The following ECE1 variants were observed in gnomAD, a reference collection of about 807,000 sequenced individuals.
ECE1 encodes endothelin-converting enzyme 1.
In ECE1, 35 loss-of-function variants were observed where a neutral mutation model predicts 98.6. The ratio of observed to expected loss-of-function variants is 0.35; its 90% CI spans 0.27 to 0.47. The LOEUF (loss-of-function observed/expected upper bound fraction) is 0.47. Ranked by LOEUF, ECE1 falls within the 20% of genes least tolerant of loss-of-function variation. The probability of loss-of-function intolerance (pLI) is 1.00; values close to 1 mark genes in which losing one functional copy is unlikely to be tolerated. For synonymous variants in ECE1, 394 were observed against 407.1 expected (o/e 0.97, Z 0.39); for missense variants, 814 against 1,025.3 (o/e 0.79, Z 2.81).
chr1:21,298,575 G>A (rs2103374509), intron 1 of ECE1: 2 of 366,924 alleles, frequency 5.5e-6, no homozygotes, highest in African/African-American at 4.2e-5. Flanking sequence ...TAGCAGAGAA[G>A]CAGCACATGG....
At chr1:21,238,308 C>T in intron 10 of ECE1, 64 bp from the exon 11 acceptor site, 1 of 1,317,780 alleles carries the variant, frequency 7.6e-7, no homozygotes, top group Admixed American at 1.9e-5. Context: ...CCCTTTCTTG[C>T]TGGGAGGTAG....
intron 2 of ECE1, among the ~76,000 whole-genome samples, chr1:21,283,241 G>A (rs1047589608): frequency 2.6e-5 from 4 of 151,242 alleles, no homozygotes; most frequent in Non-Finnish European, 4.4e-5. Context: ...CACAGCGCCC[G>A]GCCCATAACA....
At chr1:21,296,761 T>C (rs915768707) in intron 1 of ECE1, among the ~76,000 whole-genome samples, 2 of 152,182 alleles carry the variant, frequency 1.3e-5, no homozygotes, top group African/African-American at 4.8e-5. Context: ...CACCTCCTTT[T>C]TTTGTGCCTC....
At chr1:21,270,105 T>G (rs906238464) in intron 4 of ECE1, among the ~76,000 whole-genome samples, 21 of 152,360 alleles carry the variant, frequency 1.4e-4, no homozygotes, top group African/African-American at 5.0e-4. Context: ...CTAGAGGGCC[T>G]GTCCACTGTC....
At chr1:21,335,478 C>T (rs774880368) in intron 1 of ECE1, among the ~76,000 whole-genome samples, 3 of 152,144 alleles carry the variant, frequency 2.0e-5, no homozygotes, top group African/African-American at 2.4e-5. Flanking sequence ...AAGATGAGGA[C>T]GCTGCAGCCC....
Position 21,233,522 on chromosome 1 carries a change from G to A in ECE1, c.1670+36C>T, listed in dbSNP as rs533863338. ...CCCAAGGCTTGCCCACAGGTGGGGAGCTGGCACCTTGCCGGCAGGGCCTGG... is the reference window on the plus strand; with the variant it reads ...CCCAAGGCTTGCCCACAGGTGGGGAACTGGCACCTTGCCGGCAGGGCCTGG... On this transcript the variant is annotated intron_variant, in intron 14 of 18. Transcript: ENST00000374893. This position sits in a 1 kb window ranked among gnomAD's most constrained non-coding sequence, Gnocchi z 4.0. 1.9e-6 allele frequency: 3 copies of A among 1,597,760 alleles called. No homozygotes were observed. The highest frequency in any genetic ancestry group is 2.6e-6 in the Non-Finnish European group (3 of 1,166,872).
chr1:21,271,995 AACTC>A (rs1350292473), intron 4 of ECE1, among the ~76,000 whole-genome samples: 4 of 151,798 alleles, frequency 2.6e-5, no homozygotes, highest in Non-Finnish European at 5.9e-5. Context: ...TAACTTTCAA[AACTC>A]ACAGTCAATA....
At chr1:21,309,870 C>A (rs562094786) in intron 1 of ECE1, among the ~76,000 whole-genome samples, 2 of 150,212 alleles carry the variant, frequency 1.3e-5, no homozygotes, top group African/African-American at 4.9e-5. Flanking sequence ...CGGCTCACTG[C>A]AAGCTCCGCC....
chr1:21,234,483 T>A (rs1438276041), intron 13 of ECE1, among the ~76,000 whole-genome samples: 1 of 151,358 alleles, frequency 6.6e-6, no homozygotes. Flanking sequence ...TTCTAGCTTT[T>A]TTTCTGCTTT....
chr1:21,250,409 A>G (rs1380295519), intron 8 of ECE1, among the ~76,000 whole-genome samples: 2 of 152,220 alleles, frequency 1.3e-5, no homozygotes, highest in Non-Finnish European at 2.9e-5. Context: ...ATGCCTGTAC[A>G]TGTCGATCAC....
At chr1:21,231,113 C>A (rs1314361471) in intron 14 of ECE1, among the ~76,000 whole-genome samples, 1 of 152,074 alleles carries the variant, frequency 6.6e-6, no homozygotes, top group Non-Finnish European at 1.5e-5. Flanking sequence ...CAGACGTGAG[C>A]CACCGCGCCC....
rs575301486 is a variant in ECE1 at position 21,272,314 on chromosome 1, A to G, written c.493+385T>C. Among the ~76,000 whole-genome samples the G allele has an allele frequency of 2.6e-5, 4 of 152,172 alleles. No homozygotes were observed. The South Asian group carries it at 8.3e-4, about 32-fold the overall frequency. On this transcript the variant is annotated intron_variant, in intron 4 of 18. Transcript: ENST00000374893. ...GCTCCTCTTTTCTTGTTTTTTAGAC[A>G]AGAGTCTCACTCTGTTGCCCAGGCT...
At chr1:21,230,203 A>T (rs2098179970) in intron 14 of ECE1, among the ~76,000 whole-genome samples, 1 of 152,166 alleles carries the variant, frequency 6.6e-6, no homozygotes, top group Non-Finnish European at 1.5e-5. Flanking sequence ...AAAAGAAAAA[A>T]GAAAAAAATA....
At chr1:21,275,835 A>G (rs965864384) in intron 3 of ECE1, among the ~76,000 whole-genome samples, 7 of 151,836 alleles carry the variant, frequency 4.6e-5, no homozygotes, top group Non-Finnish European at 1.0e-4. Flanking sequence ...GGAAACCTTC[A>G]TCGACCCCCT....
At chr1:21,267,643 A>G (rs2098235609) in intron 4 of ECE1, among the ~76,000 whole-genome samples, 1 of 152,172 alleles carries the variant, frequency 6.6e-6, no homozygotes, top group South Asian at 2.1e-4. Context: ...AGTCTGTGGT[A>G]TTTTGTTACA....
chr1:21,227,402 G>C (rs1422909925), intron 15 of ECE1, among the ~76,000 whole-genome samples, 176 bp from the exon 16 acceptor site: 3 of 152,228 alleles, frequency 2.0e-5, no homozygotes, highest in African/African-American at 7.2e-5. Context: ...TGAAGCCAGA[G>C]GGAGGCTGGG....
Position 21,230,856 on chromosome 1 carries a change from A to G in ECE1, c.1670+2702T>C, listed in dbSNP as rs943938549. 3.3e-5 allele frequency among the ~76,000 whole-genome samples: 5 copies of G among 152,062 alleles called. No individual in the cohort carries two copies. In the South Asian group the frequency reaches 8.3e-4, roughly 25 times the overall value. The stretch of plus-strand genomic sequence containing the variant: ...AAAATAGTTATTTTCCATAAAATTT[A>G]AAAAAAATCAGGGCCAGTGCAGTGG... On this transcript the variant is annotated intron_variant, in intron 14 of 18. Coordinates refer to ENST00000374893, the MANE Select transcript of ECE1 (RefSeq NM_001397.3).
Position 21,290,305 on chromosome 1 carries a change from G to A in ECE1, c.51+59C>T, listed in dbSNP as rs2098265322. 1.5e-5 allele frequency: 18 copies of A among 1,237,560 alleles called. No homozygotes were observed. Among genetic ancestry groups the A allele is most frequent in the Non-Finnish European group, 1.8e-5 (18 of 993,496 alleles). 76.7% of individuals were successfully genotyped at this position (1,237,560 alleles called of 1,614,324 possible). A position where few individuals can be genotyped will look rare whatever the true frequency, so the allele number is the denominator to read the frequency against. Reference sequence around the variant, plus strand: ...CCGAGACCGGCCCACGGAGCGGCCCGCGCGGGGAGGGGTCCCGCCCGCCTC... The same window carrying A: ...CCGAGACCGGCCCACGGAGCGGCCCACGCGGGGAGGGGTCCCGCCCGCCTC... On this transcript the variant is annotated intron_variant, in intron 1 of 18. Coordinates refer to ENST00000374893, the MANE Select transcript of ECE1 (RefSeq NM_001397.3). This position sits in a 1 kb window ranked among gnomAD's most constrained non-coding sequence, Gnocchi z 7.3.
intron 1 of ECE1, among the ~76,000 whole-genome samples, chr1:21,334,458 A>G (rs1639269175): frequency 6.6e-6 from 1 of 152,268 alleles, no homozygotes; most frequent in Admixed American, 6.5e-5. Context: ...GATTCCCTCC[A>G]GCGTGGCCGT....
Sources: allele counts gnomAD v4.1 joint callset (sites outside exome capture counted in the v4.1 genomes callset), GRCh38; gene constraint gnomAD v4.1.1; non-coding constraint Gnocchi (gnomAD v3.1); transcripts MANE v1.5; gene names NCBI Gene and HGNC (gene_info 2026-07-23, HGNC 2026-07-21).